SANBR: variants seen among roughly 807,000 people sequenced by gnomAD.
SANBR encodes SANT and BTB domain regulator of CSR.
A neutral mutation model predicts 101.8 loss-of-function variants in SANBR; 77 were observed. That is an observed-to-expected ratio of 0.76 (90% CI 0.63 to 0.91). The LOEUF (loss-of-function observed/expected upper bound fraction) is 0.91. SANBR is among the 40% of genes least tolerant of loss of function. The pLI is 0.00. For missense variants in SANBR, 875 were observed against 853.0 expected, an observed-to-expected ratio of 1.03 and a Z score of -0.32; for synonymous variants, 279 against 274.7, an observed-to-expected ratio of 1.02 and a Z score of -0.15.
At chr2:61,070,638 T>A in intron 3 of SANBR, 138 bp downstream of exon 3, 2 of 509,856 alleles carry the variant, frequency 3.9e-6, no homozygotes, top group South Asian at 6.0e-5. Context: ...GACATCTATA[T>A]AATTTGACTA....
rs377154791 is a variant in SANBR, at chr2:61,130,882, A to G, written c.2029-3255A>G. On this transcript the variant is annotated intron_variant, in intron 20 of 21. Coordinates refer to the SANBR transcript ENST00000295031. The stretch of plus-strand genomic sequence containing the variant: ...GAAGTGGAGGTTGCAGTGAGCCGAG[A>G]TCACACCATTGCACTCCAGTCTGGG... Among the ~76,000 whole-genome samples, 90 of 135,832 alleles carry G rather than the reference A, an allele frequency of 6.6e-4. 1 individual carries two copies. The highest frequency in any genetic ancestry group is 2.3e-3 in the African/African-American group (82 of 36,036). 89.1% of individuals were successfully genotyped at this position (135,832 alleles called of 152,430 possible).
intron 8 of SANBR, among the ~76,000 whole-genome samples, chr2:61,087,534 A>T (rs1201070840): frequency 1.3e-5 from 2 of 152,002 alleles, no homozygotes; most frequent in African/African-American, 2.4e-5. Flanking sequence ...AGCGTGGGTG[A>T]TGGAGCAAGA....
intron 10 of SANBR, chr2:61,088,743 A>T (rs1573614926): frequency 7.9e-6 from 3 of 379,716 alleles, no homozygotes; most frequent in Non-Finnish European, 1.1e-5. Context: ...CTGGTCTCGA[A>T]CTCCTGACCT....
chr2:61,069,421 T>G (rs1248191645), intron 2 of SANBR, among the ~76,000 whole-genome samples: 1 of 152,162 alleles, frequency 6.6e-6, no homozygotes, highest in African/African-American at 2.4e-5. Flanking sequence ...GAGCCAAAAC[T>G]CAAATCAGAG....
At chr2:61,077,614 C>T (rs1001520127) in intron 6 of SANBR, among the ~76,000 whole-genome samples, 1 of 151,896 alleles carries the variant, frequency 6.6e-6, no homozygotes, top group African/African-American at 2.4e-5. Context: ...AGAAAAAAAT[C>T]TAGTTTCACT....
chr2:61,116,088 G>A lies in SANBR; in HGVS notation c.1836+18G>A, dbSNP rs1684067658. On this transcript the variant is annotated intron_variant, in intron 17 of 21. Transcript: ENST00000402291. ...TGGAGAAGGTAACTCTGAATTATCT[G>A]TTGTTAAAGTTCATATGGAAAAATA... The A allele has an allele frequency of 1.3e-6, 2 of 1,508,950 alleles. No individual in the cohort carries two copies. Among genetic ancestry groups the A allele is most frequent in the Non-Finnish European group, 1.8e-6 (2 of 1,100,506 alleles). The allele number at this position is 1,508,950 out of a possible 1,614,324, so 93.5% of individuals were successfully genotyped here.
At chr2:61,095,688 T>C (rs13424828) in intron 11 of SANBR, among the ~76,000 whole-genome samples, 3,146 of 152,196 alleles carry the variant, frequency 0.021, 117 homozygotes, top group African/African-American at 0.071. Flanking sequence ...GGTTTCCCCT[T>C]CTTAAAGTCT....
chr2:61,067,460 G>T (rs942243974), intron 1 of SANBR, among the ~76,000 whole-genome samples: 78 of 152,146 alleles, frequency 5.1e-4, no homozygotes, highest in African/African-American at 1.9e-3. Flanking sequence ...CGCCCTGGCC[G>T]GGTGCAGTGG....
intron 11 of SANBR, 150 bp downstream of exon 11, chr2:61,092,737 G>T: frequency 1.6e-6 from 1 of 607,522 alleles, no homozygotes; most frequent in Non-Finnish European, 2.6e-6. Flanking sequence ...ATGGTGGCTC[G>T]TGCCTGTAAT....
At chr2:61,098,633 T>C (rs1683147080) in intron 12 of SANBR, among the ~76,000 whole-genome samples, 1 of 152,224 alleles carries the variant, frequency 6.6e-6, no homozygotes, top group African/African-American at 2.4e-5. Flanking sequence ...TCCTTGCACA[T>C]ATATATTGGT....
At chr2:61,109,060 A>C (rs573787537) in intron 15 of SANBR, 137 bp from the exon 16 acceptor site, 1 of 426,058 alleles carries the variant, frequency 2.3e-6, no homozygotes, top group Admixed American at 4.3e-5. Flanking sequence ...TATTTCCTGG[A>C]TATTGTGCTA....
intron 6 of SANBR, among the ~76,000 whole-genome samples, chr2:61,078,787 C>T (rs1225299614): frequency 7.2e-5 from 11 of 151,934 alleles, no homozygotes; most frequent in Admixed American, 7.2e-4. Flanking sequence ...ACTGGTAGTC[C>T]CAGCACTTTG....
chr2:61,067,940 C>G (rs989387326), intron 1 of SANBR, among the ~76,000 whole-genome samples: 3 of 152,212 alleles, frequency 2.0e-5, no homozygotes, highest in African/African-American at 7.2e-5. Context: ...ACATCCCCAT[C>G]TATACTTAAA....
chr2:61,094,778 G>A (rs1385145504), intron 11 of SANBR, among the ~76,000 whole-genome samples: 1 of 151,706 alleles, frequency 6.6e-6, no homozygotes, highest in African/African-American at 2.4e-5. Flanking sequence ...TGAGTAGCTG[G>A]GATTACTGGC....
chr2:61,106,431 A>T, intron 13 of SANBR, 132 bp from the exon 14 acceptor site: 1 of 511,596 alleles, frequency 2.0e-6, no homozygotes, highest in Non-Finnish European at 3.5e-6. Context: ...GTCATTGTTG[A>T]CGTGATATCC....
rs375183147 is a variant in SANBR at position 61,106,561 on chromosome 2, A to C, written c.1512-2A>C. 2 of 1,575,260 alleles carry C rather than the reference A, an allele frequency of 1.3e-6. No individual in the cohort carries two copies. Among genetic ancestry groups the C allele is most frequent in the Non-Finnish European group, 1.7e-6 (2 of 1,160,040 alleles). Reference sequence around the variant, plus strand: ...TCCGTAAAAATGTCTTTTTCTTTCAAGTGATGTTGGGGTTGGCCTCTGTGA... The same window carrying C: ...TCCGTAAAAATGTCTTTTTCTTTCACGTGATGTTGGGGTTGGCCTCTGTGA... On this transcript the variant is annotated splice_acceptor_variant, in intron 13 of 21. Coordinates refer to ENST00000402291, the MANE Select transcript of SANBR (RefSeq NM_001129993.3). LOFTEE classifies it high-confidence loss of function.
intron 6 of SANBR, among the ~76,000 whole-genome samples, chr2:61,080,078 T>A (rs1444338385): frequency 6.7e-6 from 1 of 149,708 alleles, no homozygotes. Flanking sequence ...GTGCCTGTAG[T>A]CCCAGCTACT....
At chr2:61,107,818 G>A (rs1040691340) in intron 14 of SANBR, among the ~76,000 whole-genome samples, 7 of 151,860 alleles carry the variant, frequency 4.6e-5, no homozygotes, top group East Asian at 2.0e-4. Context: ...CCCAGAAGGC[G>A]GAGGTTGCAG....
intron 16 of SANBR, 146 bp from the exon 17 acceptor site, chr2:61,115,833 A>C: frequency 1.9e-6 from 1 of 524,680 alleles, no homozygotes; most frequent in East Asian, 3.2e-5. Flanking sequence ...GCTTTGCTTC[A>C]TGGTATATTT....
Sources: gnomAD v4.1 joint callset for allele counts (sites outside exome capture counted in the v4.1 genomes callset) on GRCh38, gnomAD v4.1.1 for gene constraint, MANE v1.5 for transcripts, NCBI Gene and HGNC (gene_info 2026-07-23, HGNC 2026-07-21) for gene names.